Variants in GOLGA5 observed in about 807,000 individuals in gnomAD.
GOLGA5 encodes golgin A5.
Under a neutral mutation model 93.5 loss-of-function variants are expected in GOLGA5, and 50 were observed. That is an observed-to-expected ratio of 0.53 (90% CI 0.43 to 0.68). The LOEUF is 0.68. Ranked by LOEUF, GOLGA5 falls within the 30% of genes least tolerant of loss-of-function variation. The probability of loss-of-function intolerance (pLI) is 0.00; values close to 1 mark genes in which losing one functional copy is unlikely to be tolerated. For synonymous variants in GOLGA5, 312 were observed against 304.5 expected (o/e 1.02, Z -0.26); for missense variants, 760 against 856.4 (o/e 0.89, Z 1.40).
chr14:92,799,271 G>GT (rs1566951941), intron 2 of GOLGA5, among the ~76,000 whole-genome samples: 1 of 142,520 alleles, frequency 7.0e-6, no homozygotes, highest in Non-Finnish European at 1.5e-5. Flanking sequence ...TGGCCATAGG[G>GT]ATTTTTTTTT....
intron 1 of GOLGA5, among the ~76,000 whole-genome samples, chr14:92,796,059 C>T (rs1884719703): frequency 6.6e-6 from 1 of 152,148 alleles, no homozygotes; most frequent in Non-Finnish European, 1.5e-5. Flanking sequence ...CTGGACTTAG[C>T]TTAATGTGCA....
intron 2 of GOLGA5, among the ~76,000 whole-genome samples, chr14:92,803,878 A>G (rs919818335): frequency 2.0e-5 from 3 of 152,244 alleles, no homozygotes; most frequent in Non-Finnish European, 4.4e-5. Context: ...TTCACATGCA[A>G]TAAACTGCAC....
At chr14:92,825,187 A>G (rs1401792440) in intron 9 of GOLGA5, among the ~76,000 whole-genome samples, 2 of 152,198 alleles carry the variant, frequency 1.3e-5, no homozygotes, top group African/African-American at 2.4e-5. Context: ...GGTTTAGACA[A>G]TTGATTTAAT....
chr14:92,815,071 C>G (rs76242425), intron 6 of GOLGA5, among the ~76,000 whole-genome samples: 2,252 of 152,298 alleles, frequency 0.015, 18 homozygotes, highest in Non-Finnish European at 0.022. Context: ...TGTCACTCCT[C>G]TCTCTACTTT....
At chr14:92,800,081 GATTA>G (rs1187160779) in intron 2 of GOLGA5, among the ~76,000 whole-genome samples, 1 of 152,202 alleles carries the variant, frequency 6.6e-6, no homozygotes. Flanking sequence ...AGTAGCAGTT[GATTA>G]ATATGTTCAC....
chr14:92,804,838 G>A (rs1156648613), intron 2 of GOLGA5, among the ~76,000 whole-genome samples: 2 of 151,660 alleles, frequency 1.3e-5, no homozygotes, highest in Admixed American at 1.3e-4. Flanking sequence ...AGTAGAAACA[G>A]GGTTTCACTA....
chr14:92,839,325 G>T, intron 12 of GOLGA5, 41 bp from the exon 13 acceptor site: 1 of 1,340,802 alleles, frequency 7.5e-7, no homozygotes, highest in Non-Finnish European at 1.1e-6. Context: ...GGTAAAAATT[G>T]GTTTATTGGC....
rs1170709543 is a variant in GOLGA5, at chr14:92,794,343, C to A, written c.-144C>A. 6.6e-6 allele frequency: 1 copy of A among 152,422 alleles called. No individual in the cohort carries two copies. Among genetic ancestry groups the A allele is most frequent in the Non-Finnish European group, 1.5e-5 (1 of 68,188 alleles). 9.4% of individuals were successfully genotyped at this position (152,422 alleles called of 1,614,324 possible). A position where few individuals can be genotyped will look rare whatever the true frequency, so the allele number is the denominator to read the frequency against. On this transcript the variant is annotated 5_prime_UTR_variant, in exon 1 of 13. Coordinates refer to ENST00000163416, the MANE Select transcript of GOLGA5 (RefSeq NM_005113.4). ...GTCTCCCGGAAGCGGTAGCAGGGCC[C>A]CGGCGGGTCGGGGAGGAGGTTTACT... is the stretch of plus-strand genomic sequence containing the variant.
intron 4 of GOLGA5, 60 bp from the exon 5 acceptor site, chr14:92,810,194 C>T: frequency 1.6e-6 from 2 of 1,238,168 alleles, no homozygotes; most frequent in Non-Finnish European, 2.3e-6. Context: ...AAAAATTATT[C>T]TGCCTTATCA....
chr14:92,823,482 C>G (rs1885355822), intron 8 of GOLGA5, among the ~76,000 whole-genome samples: 1 of 151,256 alleles, frequency 6.6e-6, no homozygotes, highest in Admixed American at 6.6e-5. Context: ...GATGCGGTCA[C>G]AGCTCACTGC....
At chr14:92,815,338 C>T (rs1161391362) in intron 6 of GOLGA5, among the ~76,000 whole-genome samples, 1 of 152,196 alleles carries the variant, frequency 6.6e-6, no homozygotes, top group Admixed American at 6.5e-5. Flanking sequence ...CCTCTCAGAA[C>T]TCTGCAAGTA....
At chr14:92,805,060 CA>C (rs1419937302) in intron 2 of GOLGA5, among the ~76,000 whole-genome samples, 3 of 152,162 alleles carry the variant, frequency 2.0e-5, no homozygotes. Flanking sequence ...AAGATGCACA[CA>C]AATCTTAGCT....
intron 10 of GOLGA5, among the ~76,000 whole-genome samples, chr14:92,834,493 A>T (rs1384036718): frequency 1.3e-5 from 2 of 152,186 alleles, no homozygotes; most frequent in Non-Finnish European, 2.9e-5. Flanking sequence ...AGGAGGTAAG[A>T]TAGTGAACAA....
intron 3 of GOLGA5, among the ~76,000 whole-genome samples, chr14:92,808,902 TA>T (rs1031993562): frequency 1.3e-5 from 2 of 152,210 alleles, no homozygotes; most frequent in African/African-American, 4.8e-5. Flanking sequence ...TTGAAAGCAA[TA>T]GATTCTTTTC....
chr14:92,797,770 G>A lies in GOLGA5; in HGVS notation c.333G>A (p.Val111=). 1 of 1,613,458 alleles carries A rather than the reference G, an allele frequency of 6.2e-7. No individual in the cohort carries two copies. The part of the protein sequence containing the change: ...ASVPRPSSHF[V]RRKKSEPDDE... ...TTCCTAGGCCTTCATCCCATTTTGT[G>A]CGAAGAAAAAAGTCAGAACCTGATG... The change falls in exon 2 of 13, where the codon GTG becomes GTA. Residue 111 remains valine, a synonymous_variant. Transcript: ENST00000163416.
chr14:92,831,357 A>C (rs952383519), intron 9 of GOLGA5, among the ~76,000 whole-genome samples: 1 of 152,278 alleles, frequency 6.6e-6, no homozygotes. Context: ...CCAAATGTCC[A>C]TCAGCAGGTA....
At chr14:92,835,469 C>T in intron 10 of GOLGA5, 90 bp from the exon 11 acceptor site, 1 of 797,874 alleles carries the variant, frequency 1.3e-6, no homozygotes, top group Non-Finnish European at 2.0e-6. Context: ...CTTGAAAATT[C>T]CTTCCACATG....
intron 10 of GOLGA5, 52 bp from the exon 11 acceptor site, chr14:92,835,507 G>T (rs1425557667): frequency 4.0e-6 from 5 of 1,234,620 alleles, no homozygotes; most frequent in African/African-American, 3.0e-5. Context: ...AATTATAATT[G>T]TCTTAGTTAA....
In GOLGA5 at chr14:92,797,540, A is replaced by G. The variant is rs1595587791; in HGVS notation, c.103A>G (p.Ile35Val). Residue 35 changes from isoleucine to valine, a missense_variant, in exon 2 of 13, where the codon ATA becomes GTA. Ile to Val is a conservative substitution (Grantham distance 29, BLOSUM62 3). Coordinates refer to ENST00000163416, the MANE Select transcript of GOLGA5 (RefSeq NM_005113.4). ...CAGTAGGAAAGACAATGCCAGCAAC[A>G]TATATAGCAAAAATACTGACTATAC... ...ALSRKDNASNIYSKNTDYTEL... is the reference protein window; with the variant it reads ...ALSRKDNASNVYSKNTDYTEL... 1.2e-6 allele frequency: 2 copies of G among 1,613,244 alleles called. No individual in the cohort carries two copies. The highest frequency in any genetic ancestry group is 2.2e-5 in the East Asian group (1 of 44,882).
Sources: allele counts gnomAD v4.1 joint callset (sites outside exome capture counted in the v4.1 genomes callset), GRCh38; gene constraint gnomAD v4.1.1; transcripts MANE v1.5; gene names NCBI Gene and HGNC (gene_info 2026-07-23, HGNC 2026-07-21).